Variants in GLT6D1 observed in about 807,000 individuals in gnomAD.
GLT6D1 encodes putative glycosyltransferase 6 domain-containing protein 1.
GLT6D1 carries 9 observed loss-of-function variants against 12.3 expected under a neutral mutation model. That is an observed-to-expected ratio of 0.73 (90% CI 0.44 to 1.27). The LOEUF (loss-of-function observed/expected upper bound fraction) is 1.27, where lower values mean the gene tolerates loss of function less well. GLT6D1 is among the 50% of genes most tolerant of loss of function. The pLI is 0.00. For missense variants in GLT6D1, 335 were observed against 346.2 expected (o/e 0.97, Z 0.26); for synonymous variants, 128 against 132.3 (o/e 0.97, Z 0.23).
At position 135,634,375 on chromosome 9, in the gene GLT6D1, G is replaced by A. The variant is rs184204835; in HGVS notation, c.72-2897C>T. On this transcript the variant is annotated intron_variant, in intron 2 of 4. Coordinates refer to ENST00000371763, the MANE Select transcript of GLT6D1 (RefSeq NM_182974.3). The stretch of plus-strand genomic sequence containing the variant: ...ACTCCTGACCTCAAGTGATCCGCCC[G>A]CCTCTGCCTCCCAAAGTGCTGGAAT... Among the ~76,000 whole-genome samples, 989 of 147,514 alleles carry A rather than the reference G, an allele frequency of 6.7e-3. 10 individuals are homozygous for A. Among genetic ancestry groups the A allele is most frequent in the Non-Finnish European group, 0.01 (681 of 67,574 alleles).
rs760920794 is a variant in GLT6D1 at position 135,624,096 on chromosome 9, G to A, written c.*1C>T. On this transcript the variant is annotated 3_prime_UTR_variant, in exon 5 of 5. Coordinates refer to ENST00000371763, the MANE Select transcript of GLT6D1 (RefSeq NM_182974.3). ...TCCCAGCTGTATGCTGGTGATAACA[G>A]CTAGGTGGGTTTATTGAGGTAAAAA... 3.8e-6 allele frequency: 6 copies of A among 1,596,886 alleles called. No homozygotes were observed. The highest frequency in any genetic ancestry group is 3.4e-6 in the Non-Finnish European group (4 of 1,165,992).
intron 2 of GLT6D1, among the ~76,000 whole-genome samples, chr9:135,637,640 C>A (rs899372583): frequency 6.6e-5 from 10 of 152,252 alleles, no homozygotes; most frequent in Non-Finnish European, 1.2e-4. Flanking sequence ...TTCCTGATGA[C>A]AAATGAGACT....
intron 3 of GLT6D1, among the ~76,000 whole-genome samples, chr9:135,629,068 T>G (rs11103107): frequency 0.47 from 70,539 of 150,352 alleles, 16,500 homozygotes; most frequent in South Asian, 0.5. Context: ...TTTGCTCTTC[T>G]TTTTTTCCTG....
At chr9:135,636,668 T>A (rs769490388) in intron 2 of GLT6D1, among the ~76,000 whole-genome samples, 2 of 152,118 alleles carry the variant, frequency 1.3e-5, no homozygotes, top group Non-Finnish European at 2.9e-5. Flanking sequence ...CACCTATTCA[T>A]CCCCTCCCTC....
In GLT6D1 at chr9:135,624,483, C is replaced by G. The variant is rs1182923546; in HGVS notation, c.445G>C (p.Val149Leu). 1.2e-6 allele frequency: 2 copies of G among 1,610,284 alleles called. No individual in the cohort carries two copies. Among genetic ancestry groups the G allele is most frequent in the South Asian group, 1.1e-5 (1 of 90,818 alleles). Residue 149 changes from valine (V) to leucine (L), a missense_variant, in exon 5 of 5, where the codon GTG (valine) becomes CTG (leucine). Physicochemically the swap from Val to Leu is conservative, Grantham distance 32 (BLOSUM62 1). Coordinates refer to ENST00000371763, the MANE Select transcript of GLT6D1 (RefSeq NM_182974.3). ...TGTTCACCCAGGCTCTTCACATGCA[C>G]CAGGGGGCCATCGAGCCACCACCTC... ...TERWWLDGPL[V>L]HVKSLGEHIA...
intron 2 of GLT6D1, among the ~76,000 whole-genome samples, chr9:135,634,108 C>T (rs1833711559): frequency 6.6e-6 from 1 of 152,134 alleles, no homozygotes; most frequent in Non-Finnish European, 1.5e-5. Flanking sequence ...AAATACATGG[C>T]ACCAAAGCAG....
rs139014908 is a variant in GLT6D1, at chr9:135,631,190, C to T, written c.119+241G>A. Among the ~76,000 whole-genome samples the T allele has an allele frequency of 3.9e-5, 6 of 152,308 alleles. No homozygotes were observed. The South Asian group carries it at 6.2e-4, about 16-fold the overall frequency. On this transcript the variant is annotated intron_variant, in intron 3 of 4. Coordinates refer to ENST00000371763, the MANE Select transcript of GLT6D1 (RefSeq NM_182974.3). ...CAAGCTGGTTCCGAAGAGACTTTCTCGCACTGCATAAACCAGGAAAGCTAA... is the reference window on the plus strand; with the variant it reads ...CAAGCTGGTTCCGAAGAGACTTTCTTGCACTGCATAAACCAGGAAAGCTAA...
intron 4 of GLT6D1, among the ~76,000 whole-genome samples, chr9:135,625,639 G>T (rs1434415430): frequency 1.3e-5 from 2 of 152,164 alleles, no homozygotes; most frequent in Admixed American, 1.3e-4. Flanking sequence ...AGCTCACTAG[G>T]ATTGCAATGC....
At chr9:135,631,299 C>T (rs1020299680) in intron 3 of GLT6D1, 132 bp downstream of exon 3, 50 of 741,788 alleles carry the variant, frequency 6.7e-5, no homozygotes, top group Non-Finnish European at 1.2e-4. Flanking sequence ...TTATAAGAGC[C>T]TCGAAAATAA....
chr9:135,627,058 G>A (rs1025022883), intron 3 of GLT6D1, among the ~76,000 whole-genome samples: 1 of 152,194 alleles, frequency 6.6e-6, no homozygotes, highest in Non-Finnish European at 1.5e-5. Flanking sequence ...CATAGTGAAA[G>A]ACTGAATGCT....
chr9:135,637,845 G>A (rs552115314), intron 2 of GLT6D1, among the ~76,000 whole-genome samples: 15 of 152,188 alleles, frequency 9.9e-5, no homozygotes, highest in African/African-American at 3.6e-4. Context: ...TACATGTTGT[G>A]CAAAGCTTTC....
upstream of GLT6D1, among the ~76,000 whole-genome samples, chr9:135,640,402 G>A (rs1381652684): frequency 6.6e-6 from 1 of 152,098 alleles, no homozygotes; most frequent in Admixed American, 6.6e-5. Context: ...TTGTAATGTG[G>A]CTACTAGGAA....
intron 2 of GLT6D1, among the ~76,000 whole-genome samples, chr9:135,636,676 C>T (rs1286183844): frequency 1.3e-5 from 2 of 152,126 alleles, no homozygotes; most frequent in Non-Finnish European, 2.9e-5. Context: ...CATCCCCTCC[C>T]TCACCTCCAC....
In GLT6D1 at chr9:135,639,337, C is replaced by T. The variant is rs1357288069; in HGVS notation, c.-51G>A. 1 of 533,366 alleles carries T rather than the reference C, an allele frequency of 1.9e-6. No individual in the cohort carries two copies. 33.0% of individuals were successfully genotyped at this position (533,366 alleles called of 1,614,324 possible). A position where few individuals can be genotyped will look rare whatever the true frequency, so the allele number is the denominator to read the frequency against. Reference sequence around the variant, plus strand: ...ATGTTCAGCTGGCAGGAGACAGCGACTTGAGTTAGGGAAGCCTCTGTTCTC... The same window carrying T: ...ATGTTCAGCTGGCAGGAGACAGCGATTTGAGTTAGGGAAGCCTCTGTTCTC... On this transcript the variant is annotated 5_prime_UTR_variant, in exon 1 of 5. Transcript: ENST00000371763.
intron 3 of GLT6D1, 34 bp downstream of exon 3, chr9:135,631,397 G>A (rs757750363): frequency 6.6e-7 from 1 of 1,521,356 alleles, no homozygotes; most frequent in South Asian, 1.1e-5. Flanking sequence ...TATATTGTTT[G>A]TGTGTGCATG....
chr9:135,637,486 G>A (rs1197677812), intron 2 of GLT6D1, among the ~76,000 whole-genome samples: 1 of 151,892 alleles, frequency 6.6e-6, no homozygotes, highest in African/African-American at 2.4e-5. Flanking sequence ...CACAGTACCT[G>A]TAACATTTTG....
At chr9:135,640,168 G>A (rs956799351), upstream of GLT6D1, among the ~76,000 whole-genome samples, 1 of 152,136 alleles carries the variant, frequency 6.6e-6, no homozygotes, top group South Asian at 2.1e-4. Context: ...GTGGTCCCGA[G>A]TGTGTGAAAT....
intron 3 of GLT6D1, among the ~76,000 whole-genome samples, chr9:135,630,049 T>G (rs1035873246): frequency 1.3e-5 from 2 of 152,216 alleles, no homozygotes; most frequent in African/African-American, 4.8e-5. Context: ...TCTGCCTTTT[T>G]TAATTGGAGA....
chr9:135,638,634 G>T (rs1337941535), intron 2 of GLT6D1, among the ~76,000 whole-genome samples: 1 of 152,070 alleles, frequency 6.6e-6, no homozygotes, highest in Non-Finnish European at 1.5e-5. Context: ...CTGAGGACAG[G>T]CACTTTCATT....
Sources: gnomAD v4.1 joint callset for allele counts (sites outside exome capture counted in the v4.1 genomes callset) on GRCh38, gnomAD v4.1.1 for gene constraint, MANE v1.5 for transcripts, NCBI Gene and HGNC (gene_info 2026-07-23, HGNC 2026-07-21) for gene names.